Variants in SSH1 observed in about 807,000 individuals in gnomAD.
SSH1 encodes protein phosphatase Slingshot homolog 1.
A neutral mutation model predicts 79.7 loss-of-function variants in SSH1; 43 were observed. The observed-to-expected ratio is 0.54, with a 90% CI of 0.42 to 0.70. The LOEUF (loss-of-function observed/expected upper bound fraction) is 0.70. Among genes scored for constraint, SSH1 ranks in the 30% least tolerant of loss-of-function variants. The pLI is 0.00. For missense variants in SSH1, 1,206 were observed against 1,358.8 expected, an observed-to-expected ratio of 0.89 and a Z score of 1.77; for synonymous variants, 599 against 538.3, an observed-to-expected ratio of 1.11 and a Z score of -1.56.
chr12:108,854,374 T>C (rs1165237603), intron 1 of SSH1, among the ~76,000 whole-genome samples: 2 of 152,216 alleles, frequency 1.3e-5, no homozygotes, highest in Middle Eastern at 3.2e-3. Flanking sequence ...GAAATAACAA[T>C]GTTATGATCC....
At chr12:108,836,550 T>C (rs374642558) in intron 2 of SSH1, among the ~76,000 whole-genome samples, 1 of 152,312 alleles carries the variant, frequency 6.6e-6, no homozygotes, top group East Asian at 1.9e-4. Context: ...CAAGGACAAT[T>C]TGAGCAAGGA....
At position 108,789,150 on chromosome 12, in the gene SSH1, G is replaced by A. The variant is rs763828344; in HGVS notation, c.1988C>T (p.Ala663Val). ...MYPTASGAPE[A>V]SRERCEDPNA... ...GGGGTCCTCACATCGCTCCCTGGAG[G>A]CCTCAGGAGCCCCGCTGGCTGTAGG... The change falls in exon 15 of 15, where the codon GCC becomes GTC. Residue 663 changes from alanine to valine, a missense_variant. By Grantham distance (64) the Ala-to-Val change is moderately conservative. Transcript: ENST00000326495. 2.5e-6 allele frequency: 4 copies of A among 1,613,226 alleles called. No individual in the cohort carries two copies. The highest frequency in any genetic ancestry group is 2.5e-6 in the Non-Finnish European group (3 of 1,179,560).
chr12:108,822,112 A>T (rs375207279), intron 3 of SSH1, among the ~76,000 whole-genome samples: 9 of 152,076 alleles, frequency 5.9e-5, no homozygotes, highest in Admixed American at 4.6e-4. Flanking sequence ...GCTGGAGTGC[A>T]GTGGCGCAAT....
chr12:108,853,219 A>G (rs115518590), intron 1 of SSH1: 13,709 of 985,434 alleles, frequency 0.014, 263 homozygotes, highest in African/African-American at 0.086. Flanking sequence ...AGACTTAAAC[A>G]TTTGATACGA....
chr12:108,782,110 G>A lies in SSH1; in HGVS notation c.*5878C>T, dbSNP rs2036151665. 1 of 136,214 alleles carries A rather than the reference G, an allele frequency of 7.3e-6. No individual in the cohort carries two copies. The highest frequency in any genetic ancestry group is 2.8e-5 in the African/African-American group (1 of 35,232). 8.4% of individuals were successfully genotyped at this position (136,214 alleles called of 1,614,324 possible). A position where few individuals can be genotyped will look rare whatever the true frequency, so the allele number is the denominator to read the frequency against. On this transcript the variant is annotated 3_prime_UTR_variant, in exon 15 of 15. Transcript: ENST00000326495. ...ATGGCACCACTGAACTCCAGCCTGA[G>A]CAAGAGAGCCAGACCCAGTCTCAAA...
chr12:108,836,948 T>G, intron 2 of SSH1: 1 of 529,834 alleles, frequency 1.9e-6, no homozygotes, highest in Non-Finnish European at 3.9e-6. Flanking sequence ...GTCCAGGTCA[T>G]GGTCGACCGC....
chr12:108,814,153 G>A (rs1030313910), intron 5 of SSH1, among the ~76,000 whole-genome samples: 5 of 152,012 alleles, frequency 3.3e-5, no homozygotes, highest in Middle Eastern at 3.4e-3. Flanking sequence ...GAACGCGGGA[G>A]GCAGAGGTTG....
At chr12:108,811,929 T>G (rs746555976) in intron 5 of SSH1, among the ~76,000 whole-genome samples, 11 of 152,140 alleles carry the variant, frequency 7.2e-5, no homozygotes, top group Admixed American at 6.5e-4. Context: ...AAAAGTCGAC[T>G]TGTGAGAAGC....
In SSH1 at chr12:108,788,501, A is replaced by G; in HGVS notation, c.2637T>C (p.Ser879=). Residue 879 remains serine (S), a synonymous_variant, in exon 15 of 15, where the codon AGT becomes AGC. Coordinates refer to ENST00000326495, the MANE Select transcript of SSH1 (RefSeq NM_018984.4). ...GPLVMPSQAG[S]DEKSEAAPAS... ...CGGGGGCGGCCTCTGACTTCTCATC[A>G]CTCCCGGCCTGGCTGGGCATAACCA... is the stretch of plus-strand genomic sequence containing the variant. 6.4e-7 allele frequency: 1 copy of G among 1,552,440 alleles called. No individual in the cohort carries two copies. Among genetic ancestry groups the G allele is most frequent in the Non-Finnish European group, 8.7e-7 (1 of 1,152,024 alleles).
At chr12:108,855,851 T>C (rs1188720712) in intron 1 of SSH1, among the ~76,000 whole-genome samples, 1 of 152,170 alleles carries the variant, frequency 6.6e-6, no homozygotes, top group Admixed American at 6.5e-5. Flanking sequence ...AACTCATGAA[T>C]GGCCTCTCCT....
At chr12:108,837,495 A>G (rs1185918833) in intron 2 of SSH1, among the ~76,000 whole-genome samples, 1 of 152,204 alleles carries the variant, frequency 6.6e-6, no homozygotes, top group Non-Finnish European at 1.5e-5. Context: ...CCTGGTCTGT[A>G]TTCCAAGGGT....
In SSH1 at chr12:108,787,852, A is replaced by G; in HGVS notation, c.*136T>C. 8.9e-7 allele frequency: 1 copy of G among 1,123,556 alleles called. No homozygotes were observed. The highest frequency in any genetic ancestry group is 1.3e-6 in the Non-Finnish European group (1 of 777,782). The allele number at this position is 1,123,556 out of a possible 1,614,324, so 69.6% of individuals were successfully genotyped here. On this transcript the variant is annotated 3_prime_UTR_variant, in exon 15 of 15. Coordinates refer to ENST00000326495, the MANE Select transcript of SSH1 (RefSeq NM_018984.4). ...GTTTCTTCTCCTCCTCTCTATGGCA[A>G]GAGTAGGGGAAAAGTTAGGATGACT...
At chr12:108,806,650 C>T (rs566515352) in intron 8 of SSH1, among the ~76,000 whole-genome samples, 13 of 152,342 alleles carry the variant, frequency 8.5e-5, no homozygotes, top group African/African-American at 1.4e-4. Context: ...CTTGCTCAGA[C>T]GCTCTTAGGG....
At chr12:108,822,020 T>C (rs2038140561) in intron 3 of SSH1, among the ~76,000 whole-genome samples, 1 of 152,240 alleles carries the variant, frequency 6.6e-6, no homozygotes, top group Admixed American at 6.5e-5. Context: ...GCTGTCCACC[T>C]ACGACAAAGA....
At chr12:108,797,639 G>A (rs564777873) in intron 13 of SSH1, among the ~76,000 whole-genome samples, 1 of 152,238 alleles carries the variant, frequency 6.6e-6, no homozygotes, top group Non-Finnish European at 1.5e-5. Context: ...ATGTCGGAGA[G>A]AGTGGCAGCT....
chr12:108,809,560 T>C (rs2037469851), intron 7 of SSH1, 133 bp downstream of exon 7: 1 of 779,758 alleles, frequency 1.3e-6, no homozygotes, highest in South Asian at 1.4e-5. Flanking sequence ...ATAAACTTTA[T>C]GTTACATGTA....
intron 2 of SSH1, among the ~76,000 whole-genome samples, chr12:108,843,740 G>T (rs1329439686): frequency 6.6e-6 from 1 of 152,082 alleles, no homozygotes; most frequent in East Asian, 1.9e-4. Flanking sequence ...TCACCATGTT[G>T]CCCAGGATGG....
At chr12:108,813,607 G>C (rs1213982612) in intron 5 of SSH1, among the ~76,000 whole-genome samples, 1 of 151,392 alleles carries the variant, frequency 6.6e-6, no homozygotes, top group Non-Finnish European at 1.5e-5. Context: ...CGGCTACTCA[G>C]GGGGCTGAGG....
In SSH1 at chr12:108,807,095, A is replaced by G. The variant is rs2037316105; in HGVS notation, c.731+538T>C. 6.6e-6 allele frequency among the ~76,000 whole-genome samples: 1 copy of G among 152,126 alleles called. No homozygotes were observed. Among genetic ancestry groups the G allele is most frequent in the Admixed American group, 6.5e-5 (1 of 15,272 alleles). On this transcript the variant is annotated intron_variant, in intron 8 of 14. Transcript: ENST00000326495. This position sits in a 1 kb window ranked among gnomAD's most constrained non-coding sequence, Gnocchi z 5.2. ...GGCGACCAGCATTCTCCCTAACTAGACTTCAGCGAGTGTGGCCTCTCCATG... is the reference window on the plus strand; with the variant it reads ...GGCGACCAGCATTCTCCCTAACTAGGCTTCAGCGAGTGTGGCCTCTCCATG...
Sources: allele counts gnomAD v4.1 joint callset (sites outside exome capture counted in the v4.1 genomes callset), GRCh38; gene constraint gnomAD v4.1.1; non-coding constraint Gnocchi (gnomAD v3.1); transcripts MANE v1.5; gene names NCBI Gene and HGNC (gene_info 2026-07-23, HGNC 2026-07-21).